Variants in PKHD1 observed in about 807,000 individuals in gnomAD.
PKHD1 encodes PKHD1 ciliary IPT domain containing fibrocystin/polyductin.
In PKHD1, 291 loss-of-function variants were observed where a neutral mutation model predicts 412.0. That is an observed-to-expected ratio of 0.71 (90% confidence interval 0.64 to 0.78). The LOEUF is 0.78. Among genes scored for constraint, PKHD1 ranks in the 30% least tolerant of loss-of-function variants. PKHD1 has a pLI of 0.00. For missense variants in PKHD1, 4,825 were observed against 4,950.7 expected, an observed-to-expected ratio of 0.97 and a Z score of 0.76; for synonymous variants, 1,777 against 1,821.5, an observed-to-expected ratio of 0.98 and a Z score of 0.62.
intron 36 of PKHD1, among the ~76,000 whole-genome samples, chr6:51,949,443 C>T (rs1025246239): frequency 1.3e-5 from 2 of 151,882 alleles, no homozygotes; most frequent in African/African-American, 4.8e-5. Context: ...GGAGCAGGAG[C>T]CAGGAGAAGG....
chr6:51,865,799 A>G (rs1194219823), intron 48 of PKHD1, among the ~76,000 whole-genome samples: 1 of 152,218 alleles, frequency 6.6e-6, no homozygotes, highest in Non-Finnish European at 1.5e-5. Flanking sequence ...GAAATGCAGC[A>G]AAGTTTGCAT....
intron 63 of PKHD1, among the ~76,000 whole-genome samples, chr6:51,644,137 T>C (rs995585803): frequency 6.6e-6 from 1 of 152,164 alleles, no homozygotes; most frequent in African/African-American, 2.4e-5. Flanking sequence ...TAATTTCATT[T>C]TCTGGAATCG....
intron 52 of PKHD1, among the ~76,000 whole-genome samples, chr6:51,817,220 G>C (rs760813754): frequency 6.6e-6 from 1 of 152,062 alleles, no homozygotes; most frequent in Non-Finnish European, 1.5e-5. Flanking sequence ...CTCTACATAA[G>C]GTATGTGCCT....
chr6:51,904,114 ACTT>A, intron 41 of PKHD1, 72 bp from the exon 42 acceptor site: 1 of 977,564 alleles, frequency 1.0e-6, no homozygotes, highest in East Asian at 2.4e-5. Context: ...CTGCAACACT[ACTT>A]CTTTGGGTGT....
intron 52 of PKHD1, among the ~76,000 whole-genome samples, chr6:51,792,794 C>T (rs1219659265): frequency 1.3e-5 from 2 of 152,182 alleles, no homozygotes; most frequent in African/African-American, 4.8e-5. Flanking sequence ...AAGCTATTCT[C>T]TCTCCTCACT....
chr6:51,991,729 A>G (rs1797066035), intron 35 of PKHD1, among the ~76,000 whole-genome samples: 1 of 152,228 alleles, frequency 6.6e-6, no homozygotes, highest in Admixed American at 6.5e-5. Flanking sequence ...TTGTTTCTTA[A>G]GACTTCACAG....
chr6:52,034,362 C>G (rs1243541440), intron 28 of PKHD1, among the ~76,000 whole-genome samples: 1 of 151,188 alleles, frequency 6.6e-6, no homozygotes, highest in Non-Finnish European at 1.5e-5. Context: ...GGAGGAGGGG[C>G]AGGAAAACAT....
intron 55 of PKHD1, among the ~76,000 whole-genome samples, chr6:51,769,535 T>C (rs1245834042): frequency 3.3e-5 from 5 of 151,510 alleles, no homozygotes; most frequent in African/African-American, 4.8e-5. Context: ...TTTCTTGGTA[T>C]GATTAAAGTT....
Position 52,074,466 on chromosome 6 carries a change from T to G in PKHD1, c.449-925A>C, listed in dbSNP as rs73435733. On this transcript the variant is annotated intron_variant, in intron 6 of 66. Coordinates refer to ENST00000371117, the MANE Select transcript of PKHD1 (RefSeq NM_138694.4). ...AGTTTCCTGTTACTGCTAAAAAAAATCTGGCAGAATAATTCTAATTTTAAT... is the reference window on the plus strand; with the variant it reads ...AGTTTCCTGTTACTGCTAAAAAAAAGCTGGCAGAATAATTCTAATTTTAAT... 9.2e-3 allele frequency among the ~76,000 whole-genome samples: 1,402 copies of G among 152,290 alleles called. 27 individuals are homozygous for G. Among genetic ancestry groups the G allele is most frequent in the African/African-American group, 0.032 (1,338 of 41,564 alleles).
chr6:51,849,550 G>A (rs1265851885), intron 49 of PKHD1, among the ~76,000 whole-genome samples: 4 of 152,126 alleles, frequency 2.6e-5, no homozygotes, highest in African/African-American at 9.7e-5. Flanking sequence ...AGCCTCACCA[G>A]CTTTCATTGT....
At chr6:51,950,220 A>AAAAATATATATATATATATATATAT in intron 36 of PKHD1, among the ~76,000 whole-genome samples, 40 of 98,264 alleles carry the variant, frequency 4.1e-4, no homozygotes, top group African/African-American at 1.2e-3. Flanking sequence ...GAAAAAAAAA[A>AAAAATATATATATATATATATATAT]ATATATATAT....
At chr6:52,078,134 T>C (rs912494431) in intron 5 of PKHD1, among the ~76,000 whole-genome samples, 1 of 151,938 alleles carries the variant, frequency 6.6e-6, no homozygotes, top group Admixed American at 6.6e-5. Flanking sequence ...CCTTTATTAC[T>C]CCCTCCCAGC....
intron 61 of PKHD1, 22 bp from the exon 62 acceptor site, chr6:51,649,242 A>C (rs763079375): frequency 6.3e-7 from 1 of 1,576,994 alleles, no homozygotes; most frequent in African/African-American, 1.3e-5. Flanking sequence ...AAAAACAAAC[A>C]AAATACATCC....
At chr6:51,907,558 C>G (rs1162321745) in intron 40 of PKHD1, among the ~76,000 whole-genome samples, 1 of 152,160 alleles carries the variant, frequency 6.6e-6, no homozygotes, top group Admixed American at 6.6e-5. Flanking sequence ...GGGCGGAATA[C>G]TGGGATTAGT....
intron 53 of PKHD1, among the ~76,000 whole-genome samples, chr6:51,789,865 T>C (rs1185450626): frequency 2.0e-5 from 3 of 152,166 alleles, no homozygotes; most frequent in Non-Finnish European, 2.9e-5. Flanking sequence ...TTGTCCTGAA[T>C]GGCTCAAGGG....
At chr6:51,926,943 C>T (rs941818226) in intron 37 of PKHD1, among the ~76,000 whole-genome samples, 4 of 152,170 alleles carry the variant, frequency 2.6e-5, no homozygotes, top group East Asian at 1.9e-4. Flanking sequence ...TGTCCTACCA[C>T]GCTAGGGTTC....
At chr6:51,930,875 G>C (rs548976971) in intron 37 of PKHD1, among the ~76,000 whole-genome samples, 1 of 152,232 alleles carries the variant, frequency 6.6e-6, no homozygotes, top group East Asian at 1.9e-4. Flanking sequence ...GTGTTGACTG[G>C]GTGGTGGGAA....
chr6:52,064,189 C>G (rs1285838866), intron 13 of PKHD1, among the ~76,000 whole-genome samples: 1 of 152,224 alleles, frequency 6.6e-6, no homozygotes, highest in Non-Finnish European at 1.5e-5. Flanking sequence ...AGTTGACTCT[C>G]GCTGCCTGTA....
In PKHD1 at chr6:51,764,325, AC is replaced by A. The variant is rs1348223435; in HGVS notation, c.8642+8376del. ...AACACATGAAAAAATGCTCATCATC[AC>A]CAGCCATCAGAGAAATGCAAATCAA... On this transcript the variant is annotated intron_variant, in intron 55 of 66. Transcript: ENST00000371117. Among the ~76,000 whole-genome samples, 8 of 148,608 alleles carry A rather than the reference AC, an allele frequency of 5.4e-5. No individual in the cohort carries two copies. The South Asian group carries it at 1.4e-3, about 26-fold the overall frequency.
Sources: gnomAD v4.1 joint callset for allele counts (sites outside exome capture counted in the v4.1 genomes callset) on GRCh38, gnomAD v4.1.1 for gene constraint, MANE v1.5 for transcripts, NCBI Gene and HGNC (gene_info 2026-07-23, HGNC 2026-07-21) for gene names.